The following YES1 variants were observed in gnomAD, a reference collection of about 807,000 sequenced individuals.
YES1 encodes YES proto-oncogene 1, Src family tyrosine kinase.
A neutral mutation model predicts 70.4 loss-of-function variants in YES1; 39 were observed. That is an observed-to-expected ratio of 0.55 (90% CI 0.43 to 0.72). The LOEUF (loss-of-function observed/expected upper bound fraction) is 0.72, where lower values mean the gene tolerates loss of function less well. Among genes scored for constraint, YES1 ranks in the 30% least tolerant of loss-of-function variants. The pLI, the probability that YES1 is intolerant of heterozygous loss-of-function variation, is 0.00. For synonymous variants in YES1, 198 were observed against 218.6 expected (o/e 0.91, Z 0.83); for missense variants, 495 against 644.8 (o/e 0.77, Z 2.52).
In YES1 at chr18:743,305, GT is replaced by G; in HGVS notation, c.834del (p.Leu279Ter). The part of the protein sequence containing the change: ...DAWEIPRESL[R>X]LEVKLGQGCF... ...CATCCTTGTCCTAGTTTAACCTCTA[GT>G]CGCAAAGATTCTCGAGGGATTTCCC... On this transcript the variant is annotated frameshift_variant, in exon 7 of 12. Transcript: ENST00000314574. LOFTEE classifies it high-confidence loss of function. The G allele has an allele frequency of 1.9e-6, 3 of 1,612,230 alleles. No individual in the cohort carries two copies. Among genetic ancestry groups the G allele is most frequent in the Non-Finnish European group, 2.5e-6 (3 of 1,179,988 alleles).
rs921514865 is a variant in YES1 at position 762,737 on chromosome 18, T to C, written c.-8-5902A>G. ...ATTCATCCATTTAACCGAACACCAC[T>C]TGTACCTCAAAAGCTATCAAAATAA... On this transcript the variant is annotated intron_variant, in intron 1 of 11. Coordinates refer to ENST00000314574, the MANE Select transcript of YES1 (RefSeq NM_005433.4). Among the ~76,000 whole-genome samples, 10 of 152,304 alleles carry C rather than the reference T, an allele frequency of 6.6e-5. No individual in the cohort carries two copies. In the South Asian group the frequency reaches 8.3e-4, roughly 13 times the overall value.
chr18:742,459 TAAAA>T (rs59582095), intron 8 of YES1, among the ~76,000 whole-genome samples: 83,555 of 143,274 alleles, frequency 0.58, 23,995 homozygotes, highest in East Asian at 0.71. Context: ...AGTCTCTATT[TAAAA>T]AAAAAAAAAA....
chr18:729,202 A>G (rs2080056947), intron 11 of YES1, among the ~76,000 whole-genome samples: 1 of 152,070 alleles, frequency 6.6e-6, no homozygotes, highest in Non-Finnish European at 1.5e-5. Context: ...CTTGTCTTCT[A>G]TTATGCCCAT....
chr18:785,271 A>AT (rs948064985), intron 1 of YES1, among the ~76,000 whole-genome samples: 4 of 152,156 alleles, frequency 2.6e-5, no homozygotes, highest in African/African-American at 9.7e-5. Context: ...ACTGGTGGAA[A>AT]TTATTAACTC....
chr18:798,734 G>C (rs1403307362), intron 1 of YES1, among the ~76,000 whole-genome samples: 3 of 151,968 alleles, frequency 2.0e-5, no homozygotes, highest in Non-Finnish European at 4.4e-5. Flanking sequence ...AGAAGTCTGG[G>C]GCATTTTAAG....
intron 11 of YES1, among the ~76,000 whole-genome samples, chr18:730,173 T>C (rs1030671314): frequency 2.6e-5 from 4 of 152,072 alleles, no homozygotes; most frequent in African/African-American, 9.7e-5. Context: ...ACAAAAAGCC[T>C]AGCGTATTCT....
chr18:746,480 T>C (rs1427014093), intron 4 of YES1, among the ~76,000 whole-genome samples: 2 of 152,172 alleles, frequency 1.3e-5, no homozygotes, highest in Non-Finnish European at 2.9e-5. Context: ...ACTCTAAATA[T>C]GTGTGGGTTT....
intron 1 of YES1, among the ~76,000 whole-genome samples, chr18:785,201 T>C (rs1305785979): frequency 6.6e-6 from 1 of 152,096 alleles, no homozygotes; most frequent in Non-Finnish European, 1.5e-5. Context: ...TATTGTATTT[T>C]ATGTGTGGCC....
upstream of YES1, chr18:812,271 C>A (rs1460935101): frequency 6.6e-6 from 1 of 151,620 alleles, no homozygotes; most frequent in Non-Finnish European, 1.5e-5. Context: ...CGCGTTACTT[C>A]AGGAGGAGGG....
At position 745,827 on chromosome 18, in the gene YES1, T is replaced by G; in HGVS notation, c.605A>C (p.Asp202Ala). The G allele has an allele frequency of 6.2e-7, 1 of 1,612,738 alleles. No individual in the cohort carries two copies. Among genetic ancestry groups the G allele is most frequent in the Non-Finnish European group, 8.5e-7 (1 of 1,179,728 alleles). The change falls in exon 6 of 12, where the codon GAT becomes GCT. Residue 202 changes from aspartate (D) to alanine (A), a missense_variant. Physicochemically the swap from Asp to Ala is moderately radical, Grantham distance 126. Coordinates refer to ENST00000314574, the MANE Select transcript of YES1 (RefSeq NM_005433.4). The part of the protein sequence containing the change: ...GAYSLSIRDW[D>A]EIRGDNVKHY... Reference sequence around the variant, plus strand: ...TTTCACATTGTCACCCCTTATCTCATCCCAATCACGAATAGAAAGGGAATA... The same window carrying G: ...TTTCACATTGTCACCCCTTATCTCAGCCCAATCACGAATAGAAAGGGAATA...
chr18:727,114 TTAAC>T (rs1453148330), intron 11 of YES1, among the ~76,000 whole-genome samples: 10 of 152,216 alleles, frequency 6.6e-5, no homozygotes, highest in African/African-American at 1.2e-4. Flanking sequence ...ATCTGAATAA[TTAAC>T]TAGAATATCC....
chr18:750,226 A>G (rs2080327773), intron 3 of YES1, among the ~76,000 whole-genome samples: 1 of 152,238 alleles, frequency 6.6e-6, no homozygotes, highest in Admixed American at 6.5e-5. Context: ...GCACTTTCAG[A>G]TACACAAACC....
intron 1 of YES1, among the ~76,000 whole-genome samples, chr18:757,867 G>GT (rs1234957427): frequency 1.3e-5 from 2 of 149,420 alleles, no homozygotes; most frequent in East Asian, 2.0e-4. Flanking sequence ...AAAATTATCT[G>GT]TTAAAAAAAA....
chr18:732,130 C>T (rs1470422735), intron 11 of YES1, among the ~76,000 whole-genome samples: 3 of 151,108 alleles, frequency 2.0e-5, no homozygotes, highest in Admixed American at 2.0e-4. Context: ...GAAAACAAGG[C>T]AAGTACATAT....
chr18:805,033 C>T (rs565945756), intron 1 of YES1, among the ~76,000 whole-genome samples: 2 of 151,832 alleles, frequency 1.3e-5, no homozygotes, highest in Non-Finnish European at 2.9e-5. Flanking sequence ...TTTTTATAAT[C>T]TTTACTTATA....
At chr18:782,697 T>A (rs1346844014) in intron 1 of YES1, among the ~76,000 whole-genome samples, 4 of 152,202 alleles carry the variant, frequency 2.6e-5, no homozygotes, top group Non-Finnish European at 5.9e-5. Flanking sequence ...CTTTCTAATT[T>A]TAACTTTCTG....
chr18:756,769 T>C lies in YES1; in HGVS notation c.59A>G (p.Asn20Ser), dbSNP rs2080412932. The change falls in exon 2 of 12, where the codon AAT (asparagine) becomes AGT (serine). Residue 20 changes from asparagine (N) to serine (S), a missense_variant. Physicochemically the swap from Asn to Ser is conservative, Grantham distance 46 (BLOSUM62 1). Around this residue, in one of 2 missense-constraint regions of YES1, gnomAD observed 110 missense variants for 104.0 expected, o/e 1.06. Coordinates refer to ENST00000314574, the MANE Select transcript of YES1 (RefSeq NM_005433.4). The part of the protein sequence containing the change: ...KSPAIKYRPE[N>S]TPEPVSTSVS... ...ACTTGTACTGACAGGCTCTGGAGTATTTTCAGGTCTGTATTTAATGGCTGG... is the reference window on the plus strand; with the variant it reads ...ACTTGTACTGACAGGCTCTGGAGTACTTTCAGGTCTGTATTTAATGGCTGG... 2.5e-6 allele frequency: 4 copies of C among 1,614,206 alleles called. No individual in the cohort carries two copies. Among genetic ancestry groups the C allele is most frequent in the Non-Finnish European group, 3.4e-6 (4 of 1,180,034 alleles).
Position 728,322 on chromosome 18 carries a change from C to CAAAA in YES1, c.1424-3694_1424-3691dup, listed in dbSNP as rs34970099. On this transcript the variant is annotated intron_variant, in intron 11 of 11. Coordinates refer to ENST00000314574, the MANE Select transcript of YES1 (RefSeq NM_005433.4). The stretch of plus-strand genomic sequence containing the variant: ...AGCCTGGGTGACAGAGACCCTGTCT[C>CAAAA]AAAAAAAAAAAAATTCATTTATGTT... Among the ~76,000 whole-genome samples, 329 of 145,750 alleles carry CAAAA rather than the reference C, an allele frequency of 2.3e-3. 3 individuals carry two copies. Among genetic ancestry groups the CAAAA allele is most frequent in the Non-Finnish European group, 3.7e-3 (245 of 66,122 alleles).
intron 10 of YES1, among the ~76,000 whole-genome samples, chr18:733,526 G>A (rs1399415934): frequency 2.0e-5 from 3 of 151,822 alleles, no homozygotes; most frequent in African/African-American, 7.3e-5. Context: ...GCTCAAGCCT[G>A]TAATCCCAGC....
Sources: allele counts gnomAD v4.1 joint callset (sites outside exome capture counted in the v4.1 genomes callset), GRCh38; gene constraint gnomAD v4.1.1; regional missense constraint gnomAD v4.1.1; transcripts MANE v1.5; gene names NCBI Gene and HGNC (gene_info 2026-07-23, HGNC 2026-07-21).